Variants in CMSS1 observed in about 807,000 individuals in gnomAD.
CMSS1 encodes protein CMSS1.
CMSS1 carries 33 observed loss-of-function variants against 43.5 expected under a neutral mutation model. The observed-to-expected ratio is 0.76, with a 90% CI of 0.57 to 1.01. CMSS1 has a LOEUF of 1.01. Among genes scored for constraint, CMSS1 ranks in the 50% least tolerant of loss-of-function variants. The pLI, the probability that CMSS1 is intolerant of heterozygous loss-of-function variation, is 0.00. For missense variants in CMSS1, 313 were observed against 326.4 expected (o/e 0.96, Z 0.32); for synonymous variants, 115 against 117.2 (o/e 0.98, Z 0.12).
intron 1 of CMSS1, among the ~76,000 whole-genome samples, chr3:100,085,040 A>G (rs769362075): frequency 6.6e-6 from 1 of 152,218 alleles, no homozygotes; most frequent in Non-Finnish European, 1.5e-5. Flanking sequence ...ATATGTATGT[A>G]TGGTACAGAT....
At position 100,156,540 on chromosome 3, in the gene CMSS1, C is replaced by T. The variant is rs183428725; in HGVS notation, c.154-3890C>T. On this transcript the variant is annotated intron_variant, in intron 2 of 9. Coordinates refer to ENST00000421999, the MANE Select transcript of CMSS1 (RefSeq NM_032359.4). ...GTCAGGCTGGTCTTGAACTCCTGACCTCGTAATCCGCCCTCCTCGGCCTCC... is the reference window on the plus strand; with the variant it reads ...GTCAGGCTGGTCTTGAACTCCTGACTTCGTAATCCGCCCTCCTCGGCCTCC... Among the ~76,000 whole-genome samples the T allele has an allele frequency of 4.3e-3, 655 of 151,930 alleles. 3 individuals are homozygous for T. The highest frequency in any genetic ancestry group is 0.015 in the African/African-American group (609 of 41,462).
intron 1 of CMSS1, among the ~76,000 whole-genome samples, chr3:99,940,953 C>T (rs571372878): frequency 1.1e-3 from 168 of 152,306 alleles, no homozygotes; most frequent in Admixed American, 2.3e-3. Context: ...ACTCTTAAAG[C>T]GCCTTGGGCT....
chr3:99,976,649 A>C (rs923241981), intron 1 of CMSS1, among the ~76,000 whole-genome samples: 5 of 152,024 alleles, frequency 3.3e-5, no homozygotes, highest in Non-Finnish European at 7.4e-5. Flanking sequence ...CTTTTTTTTA[A>C]ACTGTTTACC....
chr3:99,849,514 G>A, intron 1 of CMSS1: 1 of 1,613,266 alleles, frequency 6.2e-7, no homozygotes, highest in Non-Finnish European at 8.5e-7. Context: ...CTCTTTTAAT[G>A]CATCCACTTC....
chr3:99,913,855 C>A (rs997380168), intron 1 of CMSS1, among the ~76,000 whole-genome samples: 1 of 152,138 alleles, frequency 6.6e-6, no homozygotes, highest in South Asian at 2.1e-4. Flanking sequence ...CTTGCTAATG[C>A]GTTTCTTCTG....
In CMSS1 at chr3:100,178,545, A is replaced by G; in HGVS notation, c.*157A>G. ...GGAATGTGGGGATTCTGAAACAGAA[A>G]TGAAACTGTCCTTTTGACAACTCTC... On this transcript the variant is annotated 3_prime_UTR_variant, in exon 10 of 10. Transcript: ENST00000421999. The G allele has an allele frequency of 3.5e-6, 2 of 569,422 alleles. No homozygotes were observed. Among genetic ancestry groups the G allele is most frequent in the East Asian group, 2.9e-5 (1 of 34,582 alleles). The allele number at this position is 569,422 out of a possible 1,614,324, so 35.3% of individuals were successfully genotyped here. A position where few individuals can be genotyped will look rare whatever the true frequency, so the allele number is the denominator to read the frequency against.
At chr3:100,139,315 A>C (rs530396932) in intron 1 of CMSS1, among the ~76,000 whole-genome samples, 1 of 152,250 alleles carries the variant, frequency 6.6e-6, no homozygotes, top group East Asian at 1.9e-4. Context: ...CACGTAAAGT[A>C]AAACAAAATA....
intron 1 of CMSS1, among the ~76,000 whole-genome samples, chr3:99,885,883 G>A (rs1576547766): frequency 1.3e-5 from 2 of 152,296 alleles, no homozygotes; most frequent in East Asian, 3.9e-4. Context: ...AATCTAGAAT[G>A]GGGAATCTAT....
At chr3:100,058,489 A>T (rs1420157049) in intron 1 of CMSS1, among the ~76,000 whole-genome samples, 1 of 152,048 alleles carries the variant, frequency 6.6e-6, no homozygotes, top group African/African-American at 2.4e-5. Context: ...CCCATTGATG[A>T]CCTCCTCTCT....
At chr3:100,115,731 G>C (rs2107486270) in intron 1 of CMSS1, among the ~76,000 whole-genome samples, 1 of 151,798 alleles carries the variant, frequency 6.6e-6, no homozygotes, top group East Asian at 1.9e-4. Flanking sequence ...TCTTAAAAAT[G>C]TAAGTATACT....
chr3:100,044,389 G>T (rs2065249434), intron 1 of CMSS1, among the ~76,000 whole-genome samples: 1 of 152,154 alleles, frequency 6.6e-6, no homozygotes, highest in Non-Finnish European at 1.5e-5. Context: ...CTGTCAAGGG[G>T]GGCAGTGAAA....
chr3:100,076,447 T>C (rs1480284974), intron 1 of CMSS1, among the ~76,000 whole-genome samples: 2 of 152,244 alleles, frequency 1.3e-5, no homozygotes, highest in Non-Finnish European at 1.5e-5. Context: ...GCTGAGCCCC[T>C]CTGATGGACA....
chr3:100,002,758 A>G (rs1014511850), intron 1 of CMSS1, among the ~76,000 whole-genome samples: 1 of 152,212 alleles, frequency 6.6e-6, no homozygotes, highest in African/African-American at 2.4e-5. Context: ...GATGAAGCCT[A>G]GTCCCTTAGG....
chr3:99,927,202 C>T (rs1480153982), intron 1 of CMSS1, among the ~76,000 whole-genome samples: 2 of 152,170 alleles, frequency 1.3e-5, no homozygotes, highest in Admixed American at 1.3e-4. Flanking sequence ...TATACATGAG[C>T]TTTTCAATAC....
intron 1 of CMSS1, among the ~76,000 whole-genome samples, chr3:99,887,940 A>G (rs1705962409): frequency 6.6e-6 from 1 of 151,818 alleles, no homozygotes; most frequent in Non-Finnish European, 1.5e-5. Context: ...GGGTTTTGCC[A>G]TGTTGCCCAG....
chr3:100,012,095 T>C (rs1710173284), intron 1 of CMSS1, among the ~76,000 whole-genome samples: 1 of 152,144 alleles, frequency 6.6e-6, no homozygotes, highest in Admixed American at 6.5e-5. Flanking sequence ...ATCATTGAAC[T>C]CAAAAGTATT....
chr3:99,982,345 CTTT>C (rs999936582), intron 1 of CMSS1, among the ~76,000 whole-genome samples: 3 of 144,308 alleles, frequency 2.1e-5, no homozygotes, highest in Admixed American at 7.0e-5. Flanking sequence ...TAATTTTTTA[CTTT>C]TTTTTTTTTG....
Position 100,178,455 on chromosome 3 carries a change from C to A in CMSS1, c.*67C>A. 2.1e-6 allele frequency: 2 copies of A among 934,552 alleles called. No homozygotes were observed. Among genetic ancestry groups the A allele is most frequent in the Non-Finnish European group, 3.5e-6 (2 of 579,576 alleles). The allele number at this position is 934,552 out of a possible 1,614,324, so 57.9% of individuals were successfully genotyped here. A position where few individuals can be genotyped will look rare whatever the true frequency, so the allele number is the denominator to read the frequency against. On this transcript the variant is annotated 3_prime_UTR_variant, in exon 10 of 10. Coordinates refer to ENST00000421999, the MANE Select transcript of CMSS1 (RefSeq NM_032359.4). ...TGCATCTTATTTAATGACTCTGATA[C>A]ATTGCAAGCACTCAGTAAATATCAG...
At chr3:100,145,927 C>T (rs975487028) in intron 1 of CMSS1, among the ~76,000 whole-genome samples, 1 of 152,186 alleles carries the variant, frequency 6.6e-6, no homozygotes, top group Non-Finnish European at 1.5e-5. Flanking sequence ...ACCCCATGGC[C>T]CAGTCAAGTT....
Sources: allele counts gnomAD v4.1 joint callset (sites outside exome capture counted in the v4.1 genomes callset), GRCh38; gene constraint gnomAD v4.1.1; transcripts MANE v1.5; gene names NCBI Gene and HGNC (gene_info 2026-07-23, HGNC 2026-07-21).